Variants in ADGRV1 observed in about 807,000 individuals in gnomAD.
ADGRV1 encodes G-protein coupled receptor 98.
ADGRV1 carries 359 observed loss-of-function variants against 596.2 expected under a neutral mutation model. That is an observed-to-expected ratio of 0.60 (90% CI 0.55 to 0.66). The LOEUF (loss-of-function observed/expected upper bound fraction) is 0.66, where lower values mean the gene tolerates loss of function less well. Ranked by LOEUF, ADGRV1 falls within the 30% of genes least tolerant of loss-of-function variation. The probability of loss-of-function intolerance (pLI) is 0.00; values close to 1 mark genes in which losing one functional copy is unlikely to be tolerated. For synonymous variants in ADGRV1, 2,681 were observed against 2,679.2 expected, an observed-to-expected ratio of 1.00 and a Z score of -0.02; for missense variants, 7,274 against 7,575.6, an observed-to-expected ratio of 0.96 and a Z score of 1.48.
intron 59 of ADGRV1, 92 bp from the exon 60 acceptor site, chr5:90,774,093 AT>A (rs1401997810): frequency 1.9e-6 from 1 of 531,748 alleles, no homozygotes; most frequent in Admixed American, 3.6e-5. Context: ...CTTAAAAATG[AT>A]TATGGACATA....
chr5:90,628,431 A>G (rs931847250), intron 7 of ADGRV1, 131 bp from the exon 8 acceptor site: 6 of 759,490 alleles, frequency 7.9e-6, no homozygotes, highest in African/African-American at 1.8e-5. Context: ...AAAATAACAA[A>G]TCAGTTATTT....
chr5:90,678,186 A>G (rs1744490796), intron 25 of ADGRV1, among the ~76,000 whole-genome samples: 1 of 152,178 alleles, frequency 6.6e-6, no homozygotes. Context: ...ATTGACAGGC[A>G]AAAACACAGG....
In ADGRV1 at chr5:90,998,538, G is replaced by A. The variant is rs181581828; in HGVS notation, c.18152+13016G>A. 7.9e-5 allele frequency among the ~76,000 whole-genome samples: 12 copies of A among 152,010 alleles called. No individual in the cohort carries two copies. The East Asian group carries it at 2.3e-3, about 29-fold the overall frequency. ...TTGTGTTGATTTAATCAACCTTTTT[G>A]ACAGACTTCTGAACTATTTCTAGTT... On this transcript the variant is annotated intron_variant, in intron 85 of 89. Coordinates refer to ENST00000405460, the MANE Select transcript of ADGRV1 (RefSeq NM_032119.4).
At chr5:90,800,691 T>G (rs2150178935) in intron 70 of ADGRV1, among the ~76,000 whole-genome samples, 1 of 152,260 alleles carries the variant, frequency 6.6e-6, no homozygotes, top group East Asian at 1.9e-4. Context: ...CCATCAGTGA[T>G]AGACTAGATA....
intron 87 of ADGRV1, among the ~76,000 whole-genome samples, chr5:91,122,259 C>T (rs1434109447): frequency 6.6e-6 from 1 of 152,158 alleles, no homozygotes; most frequent in Admixed American, 6.5e-5. Context: ...TAATTTTCCC[C>T]TCATGCTTTT....
chr5:90,769,581 A>G (rs914647690), intron 59 of ADGRV1, among the ~76,000 whole-genome samples: 2 of 152,140 alleles, frequency 1.3e-5, no homozygotes, highest in Non-Finnish European at 2.9e-5. Flanking sequence ...AATTTGTCCT[A>G]TGCATCACTG....
At chr5:90,869,785 A>G (rs1768488123) in intron 83 of ADGRV1, among the ~76,000 whole-genome samples, 1 of 152,196 alleles carries the variant, frequency 6.6e-6, no homozygotes, top group African/African-American at 2.4e-5. Flanking sequence ...AGGTACTAAT[A>G]TTATTCTCAT....
At chr5:90,596,763 A>G (rs1760708438) in intron 1 of ADGRV1, among the ~76,000 whole-genome samples, 1 of 152,198 alleles carries the variant, frequency 6.6e-6, no homozygotes, top group South Asian at 2.1e-4. Flanking sequence ...TCCGCTCGGC[A>G]TCAGAGGGTG....
At chr5:90,844,584 A>G (rs146863779) in intron 78 of ADGRV1, among the ~76,000 whole-genome samples, 16 of 152,356 alleles carry the variant, frequency 1.1e-4, no homozygotes, top group Middle Eastern at 6.8e-3. Context: ...TAATAGCAAG[A>G]GCAGTCTAAA....
chr5:90,844,585 G>A (rs1022385623), intron 78 of ADGRV1, among the ~76,000 whole-genome samples: 1 of 152,174 alleles, frequency 6.6e-6, no homozygotes, highest in Admixed American at 6.5e-5. Flanking sequence ...AATAGCAAGA[G>A]CAGTCTAAAA....
intron 78 of ADGRV1, among the ~76,000 whole-genome samples, chr5:90,843,563 A>G (rs1765613251): frequency 6.6e-6 from 1 of 152,212 alleles, no homozygotes. Context: ...GTAGCAGAAA[A>G]CGTGGATCAG....
At position 90,720,856 on chromosome 5, in the gene ADGRV1, TG is replaced by T. The variant is rs199665614; in HGVS notation, c.9624-78del. On this transcript the variant is annotated intron_variant, in intron 44 of 89. Coordinates refer to ENST00000405460, the MANE Select transcript of ADGRV1 (RefSeq NM_032119.4). ...TAAATTTAAAAATGTATTAAGTATA[TG>T]CTAGCAATATGATATATATTTCAAA... is the stretch of plus-strand genomic sequence containing the variant. 4.4e-3 allele frequency: 5,291 copies of T among 1,199,704 alleles called. 68 individuals carry two copies. The highest frequency in any genetic ancestry group is 0.039 in the African/African-American group (2,531 of 65,460). The allele number at this position is 1,199,704 out of a possible 1,614,324, so 74.3% of individuals were successfully genotyped here.
intron 85 of ADGRV1, among the ~76,000 whole-genome samples, chr5:91,029,182 AAATT>A (rs1784280520): frequency 6.6e-6 from 1 of 152,240 alleles, no homozygotes; most frequent in Non-Finnish European, 1.5e-5. Flanking sequence ...ACTACATAAA[AAATT>A]AATTGATGGA....
intron 85 of ADGRV1, among the ~76,000 whole-genome samples, chr5:91,035,861 T>TATATATATAATATATATATATATATA: frequency 2.1e-5 from 2 of 96,396 alleles, no homozygotes; most frequent in Non-Finnish European, 4.3e-5. Flanking sequence ...TATATATATA[T>TATATATATAATATATATATATATATA]TATATATATA....
chr5:90,818,848 T>C (rs1285756013), intron 75 of ADGRV1, among the ~76,000 whole-genome samples: 1 of 149,884 alleles, frequency 6.7e-6, no homozygotes, highest in Non-Finnish European at 1.5e-5. Flanking sequence ...TGCATCAATG[T>C]TCATCAAGGA....
chr5:90,689,295 A>G (rs1746140459), intron 29 of ADGRV1, among the ~76,000 whole-genome samples: 1 of 148,772 alleles, frequency 6.7e-6, no homozygotes, highest in African/African-American at 2.5e-5. Flanking sequence ...ATTAGTCCTC[A>G]GTCTTCACAT....
chr5:90,778,712 T>C (rs1758522239), intron 63 of ADGRV1, 103 bp downstream of exon 63: 14 of 1,078,350 alleles, frequency 1.3e-5, no homozygotes, highest in Non-Finnish European at 1.8e-5. Context: ...ATTAATTTGC[T>C]CCAAACATCA....
At chr5:90,696,430 T>C (rs1051684560) in intron 33 of ADGRV1, among the ~76,000 whole-genome samples, 5 of 152,148 alleles carry the variant, frequency 3.3e-5, no homozygotes, top group African/African-American at 9.7e-5. Context: ...GTTCTTTTGC[T>C]CAGAATTTGA....
At chr5:90,605,433 A>T (rs77157171) in intron 1 of ADGRV1, among the ~76,000 whole-genome samples, 3 of 151,668 alleles carry the variant, frequency 2.0e-5, no homozygotes, top group Non-Finnish European at 2.9e-5. Context: ...AAAAAAAGAT[A>T]AAAAAATAGA....
Sources: gnomAD v4.1 joint callset for allele counts (sites outside exome capture counted in the v4.1 genomes callset) on GRCh38, gnomAD v4.1.1 for gene constraint, MANE v1.5 for transcripts, NCBI Gene and HGNC (gene_info 2026-07-23, HGNC 2026-07-21) for gene names.